Variants in SERPINB1 observed in about 807,000 individuals in gnomAD.
SERPINB1 encodes serpin family B member 1.
A neutral mutation model predicts 25.9 loss-of-function variants in SERPINB1; 23 were observed. That is an observed-to-expected ratio of 0.89 (90% confidence interval 0.64 to 1.26). The LOEUF is 1.26. Among genes scored for constraint, SERPINB1 ranks in the 50% most tolerant of loss-of-function variants. The probability of loss-of-function intolerance (pLI) is 0.00; values close to 1 mark genes in which losing one functional copy is unlikely to be tolerated. For missense variants in SERPINB1, 399 were observed against 463.6 expected, an observed-to-expected ratio of 0.86 and a Z score of 1.28; for synonymous variants, 178 against 178.7, an observed-to-expected ratio of 1.00 and a Z score of 0.03.
Position 2,833,902 on chromosome 6 carries a change from G to A in SERPINB1, c.846C>T (p.Tyr282=), listed in dbSNP as rs748238528. The A allele has an allele frequency of 6.8e-6, 11 of 1,614,176 alleles. No homozygotes were observed. The highest frequency in any genetic ancestry group is 9.3e-6 in the Non-Finnish European group (11 of 1,180,022). ...SLPRFKLEES[Y]TLNSDLARLG... ...GGCGGGCGAGGTCGGAGTTGAGAGT[G>A]TAACTCTCTTCCAGTTTGAACCTGG... The change falls in exon 7 of 7, where the codon TAC becomes TAT. Residue 282 remains tyrosine, a synonymous_variant. Transcript: ENST00000380739.
At chr6:2,839,304 T>C in intron 2 of SERPINB1, 1 of 985,220 alleles carries the variant, frequency 1.0e-6, no homozygotes, top group Non-Finnish European at 1.2e-6. Context: ...AAGAACAAAA[T>C]TGCATAGGGT....
At position 2,840,484 on chromosome 6, in the gene SERPINB1, T is replaced by C; in HGVS notation, c.103A>G (p.Ile35Val). The C allele has an allele frequency of 1.2e-6, 2 of 1,614,076 alleles. No homozygotes were observed. The highest frequency in any genetic ancestry group is 1.7e-6 in the Non-Finnish European group (2 of 1,180,004). Residue 35 changes from isoleucine to valine, a missense_variant, in exon 2 of 7, where the codon ATT becomes GTT. Physicochemically the swap from Ile to Val is conservative, Grantham distance 29 (BLOSUM62 3). Transcript: ENST00000380739. ...AAAACCATGGCCATAGCAGATGAAA[T>C]GCTGAAGGGAGAGATGAAGATGTTT... ...AGNIFISPFSISSAMAMVFLG... is the reference protein window; with the variant it reads ...AGNIFISPFSVSSAMAMVFLG...
chr6:2,834,039 G>A (rs748235623), intron 6 of SERPINB1, 27 bp from the exon 7 acceptor site: 1 of 1,548,812 alleles, frequency 6.5e-7, no homozygotes, highest in East Asian at 2.3e-5. Flanking sequence ...GGCGAAAGAG[G>A]AAGTGATATC....
chr6:2,835,731 A>T, intron 6 of SERPINB1, 125 bp downstream of exon 6: 2 of 1,079,556 alleles, frequency 1.9e-6, no homozygotes, highest in Non-Finnish European at 2.6e-6. Flanking sequence ...TTGATGGGCT[A>T]CATTTACAAA....
intron 2 of SERPINB1, among the ~76,000 whole-genome samples, chr6:2,839,630 T>C (rs1766589843): frequency 6.6e-6 from 1 of 152,224 alleles, no homozygotes; most frequent in Non-Finnish European, 1.5e-5. Flanking sequence ...AGGTGCAGTG[T>C]AATTTGCGGC....
chr6:2,835,242 A>G (rs1427489999), intron 6 of SERPINB1, among the ~76,000 whole-genome samples: 1 of 152,188 alleles, frequency 6.6e-6, no homozygotes. Context: ...CTAACATGTC[A>G]CATGAGGCTT....
rs531982659 is a variant in SERPINB1, at chr6:2,836,277, A to C, written c.425-27T>G. The C allele has an allele frequency of 1.6e-5, 25 of 1,575,228 alleles. 1 individual carries two copies. The South Asian group carries it at 2.5e-4, about 15-fold the overall frequency. On this transcript the variant is annotated intron_variant, in intron 4 of 6. Transcript: ENST00000380739. ...TAAAAAAAAATCAAGTTAGCGTAAA[A>C]AAAATCCAAATCGGAATTCCAAATT...
At chr6:2,838,794 T>A in intron 2 of SERPINB1, 108 bp from the exon 3 acceptor site, 1 of 906,040 alleles carries the variant, frequency 1.1e-6, no homozygotes, top group Non-Finnish European at 1.5e-6. Flanking sequence ...TATTACTAAT[T>A]ATTGATGATC....
intron 6 of SERPINB1, among the ~76,000 whole-genome samples, chr6:2,834,305 AT>A (rs1766424749): frequency 9.0e-6 from 1 of 111,730 alleles, no homozygotes; most frequent in African/African-American, 3.1e-5. Context: ...TCATCCATCC[AT>A]CCATCCATCC....
At chr6:2,838,873 G>A (rs949055395) in intron 2 of SERPINB1, among the ~76,000 whole-genome samples, 187 bp from the exon 3 acceptor site, 1 of 152,112 alleles carries the variant, frequency 6.6e-6, no homozygotes. Flanking sequence ...TTATGGCTTC[G>A]TGAGACAGAA....
Position 2,833,875 on chromosome 6 carries a change from T to C in SERPINB1, c.873A>G (p.Leu291=), listed in dbSNP as rs772390994. The change falls in exon 7 of 7, where the codon CTA becomes CTG. Residue 291 remains leucine, a synonymous_variant. Transcript: ENST00000380739. ...TACTGTTAAAGAGATCCTGCACACC[T>C]AGGCGGGCGAGGTCGGAGTTGAGAG... The part of the protein sequence containing the change: ...SYTLNSDLAR[L]GVQDLFNSSK... 9 of 1,614,160 alleles carry C rather than the reference T, an allele frequency of 5.6e-6. No homozygotes were observed. Among genetic ancestry groups the C allele is most frequent in the Non-Finnish European group, 7.6e-6 (9 of 1,180,026 alleles).
intron 4 of SERPINB1, among the ~76,000 whole-genome samples, chr6:2,836,560 C>A (rs1009654489): frequency 3.3e-5 from 5 of 151,616 alleles, no homozygotes; most frequent in Admixed American, 6.6e-5. Flanking sequence ...AAACAATGAG[C>A]CTTATTTTGT....
Position 2,838,543 on chromosome 6 carries a change from A to G in SERPINB1, c.306+6T>C. 6.3e-7 allele frequency: 1 copy of G among 1,594,250 alleles called. No individual in the cohort carries two copies. The highest frequency in any genetic ancestry group is 1.3e-5 in the African/African-American group (1 of 74,130). On this transcript the variant is annotated splice_donor_region_variant and intron_variant, in intron 3 of 6. Transcript: ENST00000380739. Reference sequence around the variant, plus strand: ...GGTTTTAGAATGTGAAGGGCAAAGTACTTACAGGAAGGAAATTGTAAGTTT... The same window carrying G: ...GGTTTTAGAATGTGAAGGGCAAAGTGCTTACAGGAAGGAAATTGTAAGTTT...
In SERPINB1 at chr6:2,833,596, A is replaced by T. The variant is rs1766401672; in HGVS notation, c.*12T>A. On this transcript the variant is annotated 3_prime_UTR_variant, in exon 7 of 7. Transcript: ENST00000380739. ...CTAAGCTTGATTTTTGTATTGCTACAGTCTCTTTCTTCTAAGGGGAAGAAA... is the reference window on the plus strand; with the variant it reads ...CTAAGCTTGATTTTTGTATTGCTACTGTCTCTTTCTTCTAAGGGGAAGAAA... 13 of 1,584,278 alleles carry T rather than the reference A, an allele frequency of 8.2e-6. No homozygotes were observed. Among genetic ancestry groups the T allele is most frequent in the Non-Finnish European group, 1.1e-5 (13 of 1,165,292 alleles).
chr6:2,832,542 C>T lies in SERPINB1; in HGVS notation c.*1066G>A, dbSNP rs1581161574. 6.6e-6 allele frequency: 1 copy of T among 152,578 alleles called. No homozygotes were observed. The highest frequency in any genetic ancestry group is 1.5e-5 in the Non-Finnish European group (1 of 68,240). 9.5% of individuals were successfully genotyped at this position (152,578 alleles called of 1,614,324 possible). A position where few individuals can be genotyped will look rare whatever the true frequency, so the allele number is the denominator to read the frequency against. On this transcript the variant is annotated 3_prime_UTR_variant, in exon 7 of 7. Transcript: ENST00000380739. Reference sequence around the variant, plus strand: ...CATGAGAAGGCCAGGCATGGTAGCTCATGCCTGTAATCCCAGCACTTTGGG... The same window carrying T: ...CATGAGAAGGCCAGGCATGGTAGCTTATGCCTGTAATCCCAGCACTTTGGG...
intron 3 of SERPINB1, 46 bp from the exon 4 acceptor site, chr6:2,838,045 A>G (rs1766547112): frequency 1.6e-6 from 2 of 1,280,284 alleles, no homozygotes; most frequent in Non-Finnish European, 2.2e-6. Context: ...CTCCTACTAC[A>G]TATAGAAATT....
At chr6:2,839,316 C>G (rs1054320338) in intron 2 of SERPINB1, 2 of 984,790 alleles carry the variant, frequency 2.0e-6, no homozygotes, top group Non-Finnish European at 2.4e-6. Flanking sequence ...GCATAGGGTA[C>G]GAAGTCCACA....
Position 2,833,624 on chromosome 6 carries a change from C to A in SERPINB1, c.1124G>T (p.Arg375Ile). The part of the protein sequence containing the change: ...NSSGSILFLG[R>I]FSSP ...CTCTTTCTTCTAAGGGGAAGAAAAT[C>A]TCCCCAAGAATAGGATGCTACCTGA... The change falls in exon 7 of 7, where the codon AGA becomes ATA. Residue 375 changes from arginine to isoleucine, a missense_variant. Physicochemically the swap from Arg to Ile is moderately conservative, Grantham distance 97. Transcript: ENST00000380739. 6.2e-7 allele frequency: 1 copy of A among 1,604,094 alleles called. No individual in the cohort carries two copies. The highest frequency in any genetic ancestry group is 8.5e-7 in the Non-Finnish European group (1 of 1,174,298).
At chr6:2,838,447 G>T in intron 3 of SERPINB1, 102 bp downstream of exon 3, 1 of 1,151,798 alleles carries the variant, frequency 8.7e-7, no homozygotes, top group Non-Finnish European at 1.2e-6. Flanking sequence ...TTGTTTTTCT[G>T]AAAGTTTACA....
Sources: gnomAD v4.1 joint callset for allele counts (sites outside exome capture counted in the v4.1 genomes callset) on GRCh38, gnomAD v4.1.1 for gene constraint, MANE v1.5 for transcripts, NCBI Gene and HGNC (gene_info 2026-07-23, HGNC 2026-07-21) for gene names.